The following PARD3B variants were observed in gnomAD, a reference collection of about 807,000 sequenced individuals.
PARD3B encodes par-3 family cell polarity regulator beta.
A neutral mutation model predicts 130.2 loss-of-function variants in PARD3B; 103 were observed. The ratio of observed to expected loss-of-function variants is 0.79; its 90% CI spans 0.67 to 0.93. The LOEUF (loss-of-function observed/expected upper bound fraction) is 0.93. Ranked by LOEUF, PARD3B falls within the 40% of genes least tolerant of loss-of-function variation. The probability of loss-of-function intolerance (pLI) is 0.00; values close to 1 mark genes in which losing one functional copy is unlikely to be tolerated. For missense variants in PARD3B, 1,609 were observed against 1,499.2 expected (o/e 1.07, Z -1.21); for synonymous variants, 583 against 553.2 (o/e 1.05, Z -0.76).
Position 204,834,091 on chromosome 2 carries a change from A to T in PARD3B, c.223-131061A>T, listed in dbSNP as rs185624064. On this transcript the variant is annotated intron_variant, in intron 2 of 22. Coordinates refer to ENST00000406610, the MANE Select transcript of PARD3B (RefSeq NM_001302769.2). The stretch of plus-strand genomic sequence containing the variant: ...CTCTCATATGCAATATTTTTTTTTT[A>T]GGAACTACCTTGGCATTTCTTGACC... 2.6e-3 allele frequency among the ~76,000 whole-genome samples: 400 copies of T among 152,046 alleles called. 1 individual carries two copies. The highest frequency in any genetic ancestry group is 4.3e-3 in the Non-Finnish European group (292 of 67,974).
chr2:204,662,527 A>G (rs1399413113), intron 1 of PARD3B, among the ~76,000 whole-genome samples: 1 of 152,228 alleles, frequency 6.6e-6, no homozygotes, highest in Non-Finnish European at 1.5e-5. Flanking sequence ...TTGCAACATA[A>G]TCACACAAGT....
rs756019064 is a variant in PARD3B, at chr2:205,268,492, G to T, written c.2185+22670G>T. Among the ~76,000 whole-genome samples the T allele has an allele frequency of 1.3e-5, 2 of 151,974 alleles. No individual in the cohort carries two copies. The highest frequency in any genetic ancestry group is 2.9e-5 in the Non-Finnish European group (2 of 68,018). ...CCTCTTAAGATTCTATGCTTCTCTG[G>T]GTGTTAAAAGTCCACTGGAAAATAA... On this transcript the variant is annotated intron_variant, in intron 16 of 22. Coordinates refer to ENST00000406610, the MANE Select transcript of PARD3B (RefSeq NM_001302769.2). This position sits in a 1 kb window ranked among gnomAD's most constrained non-coding sequence, Gnocchi z 4.1.
At position 205,619,005 on chromosome 2, in the gene PARD3B, G is replaced by T. The variant is rs1182610865; in HGVS notation, c.*3192G>T. 6.6e-6 allele frequency: 1 copy of T among 152,202 alleles called. No homozygotes were observed. The highest frequency in any genetic ancestry group is 1.5e-5 in the Non-Finnish European group (1 of 68,042). 9.4% of individuals were successfully genotyped at this position (152,202 alleles called of 1,614,324 possible). A position where few individuals can be genotyped will look rare whatever the true frequency, so the allele number is the denominator to read the frequency against. The stretch of plus-strand genomic sequence containing the variant: ...GTTGACTCCCACAGGATGGCACCAA[G>T]TAAAGATCTTAAGAGCATAGTAGGG... On this transcript the variant is annotated 3_prime_UTR_variant, in exon 23 of 23. Coordinates refer to ENST00000406610, the MANE Select transcript of PARD3B (RefSeq NM_001302769.2).
intron 3 of PARD3B, among the ~76,000 whole-genome samples, chr2:205,033,933 G>A (rs1403552037): frequency 1.3e-5 from 2 of 152,144 alleles, no homozygotes; most frequent in Admixed American, 6.6e-5. Context: ...GGATTGTTTA[G>A]CATCGTTGTT....
chr2:204,992,399 G>C (rs1004152791), intron 3 of PARD3B, among the ~76,000 whole-genome samples: 17 of 109,038 alleles, frequency 1.6e-4, no homozygotes, highest in African/African-American at 5.3e-4. Flanking sequence ...GGTACGTGGC[G>C]TTATTTCTGA....
chr2:204,987,686 AT>A lies in PARD3B; in HGVS notation c.394+22373del, dbSNP rs538801799. Among the ~76,000 whole-genome samples, 200 of 150,852 alleles carry A rather than the reference AT, an allele frequency of 1.3e-3. 1 individual carries two copies. Among genetic ancestry groups the A allele is most frequent in the African/African-American group, 4.1e-3 (170 of 41,148 alleles). On this transcript the variant is annotated intron_variant, in intron 3 of 22. Coordinates refer to ENST00000406610, the MANE Select transcript of PARD3B (RefSeq NM_001302769.2). ...ACTCTAGATTTTCATCTTCTTCAGAATTTTTTTTTTCAGTGTTCCAAGACTA... is the reference window on the plus strand; with the variant it reads ...ACTCTAGATTTTCATCTTCTTCAGAATTTTTTTTTCAGTGTTCCAAGACTA...
At chr2:205,462,653 G>A (rs561594757) in intron 20 of PARD3B, among the ~76,000 whole-genome samples, 1 of 152,274 alleles carries the variant, frequency 6.6e-6, no homozygotes, top group Non-Finnish European at 1.5e-5. Flanking sequence ...AGTAGATGAT[G>A]CAACATGATT....
intron 2 of PARD3B, among the ~76,000 whole-genome samples, chr2:204,793,294 C>T (rs904770474): frequency 4.1e-4 from 63 of 152,142 alleles, no homozygotes; most frequent in African/African-American, 1.4e-3. Flanking sequence ...CTATTCTCTG[C>T]TACTTCATTT....
chr2:205,298,378 A>C (rs546080162), intron 16 of PARD3B, among the ~76,000 whole-genome samples: 1 of 152,196 alleles, frequency 6.6e-6, no homozygotes, highest in East Asian at 1.9e-4. Context: ...TGTTTCTTCA[A>C]CTTATCTTCC....
chr2:205,356,887 T>A (rs2044212686), intron 18 of PARD3B, among the ~76,000 whole-genome samples: 1 of 84,142 alleles, frequency 1.2e-5, no homozygotes, highest in Non-Finnish European at 2.8e-5. Flanking sequence ...CAAGACTCTG[T>A]CTCAAAAAAA....
In PARD3B at chr2:205,550,474, A is replaced by ATT. The variant is rs1235285567; in HGVS notation, c.3181-2848_3181-2847dup. ...TACACAATTAGTGAAGGACAGAATA[A>ATT]TTTCTTATGTGCAAGCTTGCTGCCT... On this transcript the variant is annotated intron_variant, in intron 21 of 22. Transcript: ENST00000406610. This position sits in a 1 kb window ranked among gnomAD's most constrained non-coding sequence, Gnocchi z 4.5. 6.6e-6 allele frequency among the ~76,000 whole-genome samples: 1 copy of ATT among 152,156 alleles called. No homozygotes were observed. The highest frequency in any genetic ancestry group is 1.9e-4 in the East Asian group (1 of 5,192).
At chr2:205,515,464 G>A (rs1190207608) in intron 21 of PARD3B, among the ~76,000 whole-genome samples, 1 of 149,910 alleles carries the variant, frequency 6.7e-6, no homozygotes, top group Non-Finnish European at 1.5e-5. Context: ...CTCACCAACA[G>A]TGTATGAGTG....
intron 3 of PARD3B, among the ~76,000 whole-genome samples, chr2:205,013,173 C>T (rs867714839): frequency 4.5e-4 from 68 of 152,148 alleles, no homozygotes; most frequent in African/African-American, 1.4e-3. Flanking sequence ...GACAGTTTCC[C>T]GTCTGAGACT....
chr2:204,909,991 G>A (rs1454106449), intron 2 of PARD3B, among the ~76,000 whole-genome samples: 2 of 152,126 alleles, frequency 1.3e-5, no homozygotes, highest in African/African-American at 4.8e-5. Flanking sequence ...GATGATGTAT[G>A]ACAGGATTGT....
chr2:205,311,765 T>A (rs1158305633), intron 18 of PARD3B, among the ~76,000 whole-genome samples: 1 of 152,232 alleles, frequency 6.6e-6, no homozygotes. Flanking sequence ...CCATGAACTG[T>A]TTTCAAAGGT....
intron 2 of PARD3B, among the ~76,000 whole-genome samples, chr2:204,801,690 C>A (rs1049810351): frequency 6.6e-6 from 1 of 152,092 alleles, no homozygotes. Context: ...ATTTGAATAC[C>A]CTTTATTTCT....
chr2:204,843,831 C>A (rs2044352012), intron 2 of PARD3B, among the ~76,000 whole-genome samples: 1 of 152,120 alleles, frequency 6.6e-6, no homozygotes. Context: ...ATTTCCTCTT[C>A]TTTTTCATTC....
chr2:205,434,505 G>T (rs2047444054), intron 19 of PARD3B, among the ~76,000 whole-genome samples: 1 of 152,040 alleles, frequency 6.6e-6, no homozygotes, highest in Non-Finnish European at 1.5e-5. Flanking sequence ...AATTGGTTTT[G>T]TTTTCTACAA....
intron 19 of PARD3B, among the ~76,000 whole-genome samples, chr2:205,417,663 G>A (rs545517768): frequency 7.2e-4 from 109 of 152,280 alleles, no homozygotes; most frequent in African/African-American, 2.5e-3. Context: ...ATAGTTTATT[G>A]GATGCCTCTC....
Sources: gnomAD v4.1 joint callset for allele counts (sites outside exome capture counted in the v4.1 genomes callset) on GRCh38, gnomAD v4.1.1 for gene constraint, Gnocchi (gnomAD v3.1) non-coding constraint, MANE v1.5 for transcripts, NCBI Gene and HGNC (gene_info 2026-07-23, HGNC 2026-07-21) for gene names.